Variants in WWC1 observed in about 807,000 individuals in gnomAD.
WWC1 encodes protein KIBRA.
In WWC1, 55 loss-of-function variants were observed where a neutral mutation model predicts 138.4. The observed-to-expected ratio is 0.40, with a 90% CI of 0.32 to 0.50. The LOEUF (loss-of-function observed/expected upper bound fraction) is 0.50, where lower values mean the gene tolerates loss of function less well. Among genes scored for constraint, WWC1 ranks in the 20% least tolerant of loss-of-function variants. The pLI is 0.72. For synonymous variants in WWC1, 524 were observed against 564.9 expected (o/e 0.93, Z 1.03); for missense variants, 1,226 against 1,420.4 (o/e 0.86, Z 2.20).
intron 1 of WWC1, among the ~76,000 whole-genome samples, chr5:168,349,664 G>A (rs926954888): frequency 2.0e-5 from 3 of 152,170 alleles, no homozygotes; most frequent in African/African-American, 4.8e-5. Flanking sequence ...GTCCTCAGGA[G>A]TGCTTCCTTC....
chr5:168,394,864 A>C (rs1778773747), intron 3 of WWC1, among the ~76,000 whole-genome samples: 1 of 152,252 alleles, frequency 6.6e-6, no homozygotes, highest in South Asian at 2.1e-4. Flanking sequence ...CAGGCTGTAC[A>C]TACATGATGT....
chr5:168,445,078 AG>A (rs1472551861), intron 17 of WWC1, among the ~76,000 whole-genome samples: 2 of 149,798 alleles, frequency 1.3e-5, no homozygotes, highest in Admixed American at 1.3e-4. Context: ...CACTTTGGGA[AG>A]CCGAGGTGGG....
At chr5:168,296,846 C>G (rs535722942) in intron 1 of WWC1, among the ~76,000 whole-genome samples, 1 of 152,320 alleles carries the variant, frequency 6.6e-6, no homozygotes, top group South Asian at 2.1e-4. Flanking sequence ...TTACTTCCTG[C>G]TGAGTTAGCT....
intron 15 of WWC1, among the ~76,000 whole-genome samples, chr5:168,436,987 G>A (rs772852305): frequency 1.3e-5 from 2 of 152,082 alleles, no homozygotes; most frequent in Non-Finnish European, 2.9e-5. Flanking sequence ...CCTTTGCCTG[G>A]CCTCCAAGGC....
At chr5:168,408,446 G>A (rs569529446) in intron 6 of WWC1, 61 bp from the exon 7 acceptor site, 2 of 1,582,644 alleles carry the variant, frequency 1.3e-6, no homozygotes, top group Admixed American at 1.7e-5. Context: ...CAGGGAGCGT[G>A]GCAGACCCAG....
intron 3 of WWC1, 58 bp from the exon 4 acceptor site, chr5:168,397,665 CA>C (rs1274842861): frequency 9.4e-6 from 15 of 1,593,342 alleles, no homozygotes; most frequent in Middle Eastern, 3.6e-4. Flanking sequence ...GCCAATAAGC[CA>C]ACTTTGCTGA....
intron 1 of WWC1, among the ~76,000 whole-genome samples, chr5:168,364,527 G>C (rs754487493): frequency 2.6e-5 from 4 of 152,204 alleles, no homozygotes; most frequent in African/African-American, 9.7e-5. Flanking sequence ...TGTGAGTCTT[G>C]TTCCCCGGCC....
intron 15 of WWC1, 50 bp from the exon 16 acceptor site, chr5:168,441,632 G>C: frequency 6.3e-7 from 1 of 1,589,750 alleles, no homozygotes; most frequent in Non-Finnish European, 8.6e-7. Context: ...CCTGACACCT[G>C]GTGTCCCCCC....
chr5:168,389,131 G>A (rs1778268241), intron 3 of WWC1, among the ~76,000 whole-genome samples: 1 of 152,094 alleles, frequency 6.6e-6, no homozygotes, highest in Admixed American at 6.5e-5. Flanking sequence ...GGCACTATGA[G>A]AATGAAACAT....
At position 168,414,380 on chromosome 5, in the gene WWC1, T is replaced by C; in HGVS notation, c.974T>C (p.Leu325Pro). Reference protein sequence around the residue: ...IANLKIQLAKLDSEAWPGVLD... With the variant: ...IANLKIQLAKPDSEAWPGVLD... ...AACCTGAAGATCCAGCTGGCCAAGC[T>C]TGACAGTGAGGCCTGGCCTGGGGTG... is the stretch of plus-strand genomic sequence containing the variant. The change falls in exon 9 of 23, where the codon CTT (leucine) becomes CCT (proline). Residue 325 changes from leucine to proline, a missense_variant. Leu to Pro is a moderately conservative substitution (Grantham distance 98, BLOSUM62 -3). Transcript: ENST00000265293. 1 of 1,610,550 alleles carries C rather than the reference T, an allele frequency of 6.2e-7. No individual in the cohort carries two copies. The highest frequency in any genetic ancestry group is 8.5e-7 in the Non-Finnish European group (1 of 1,178,558).
At chr5:168,468,178 G>A (rs868315861) in intron 22 of WWC1, among the ~76,000 whole-genome samples, 5 of 152,246 alleles carry the variant, frequency 3.3e-5, no homozygotes, top group Admixed American at 2.0e-4. Flanking sequence ...CACAACTCGA[G>A]CTAATTTGTT....
chr5:168,332,589 G>A (rs953311427), intron 1 of WWC1, among the ~76,000 whole-genome samples: 1 of 152,198 alleles, frequency 6.6e-6, no homozygotes, highest in African/African-American at 2.4e-5. Flanking sequence ...TTTCTGGAAG[G>A]GCACACTGGA....
intron 3 of WWC1, among the ~76,000 whole-genome samples, chr5:168,396,316 G>A (rs1301251783): frequency 6.6e-6 from 1 of 152,232 alleles, no homozygotes; most frequent in African/African-American, 2.4e-5. Flanking sequence ...CCAGGAGGCA[G>A]AGGTTGTAGT....
intron 3 of WWC1, among the ~76,000 whole-genome samples, chr5:168,387,750 C>T (rs1487218652): frequency 6.6e-6 from 1 of 152,136 alleles, no homozygotes; most frequent in Non-Finnish European, 1.5e-5. Context: ...TCCCCAAAGC[C>T]TCATCTTCAA....
At chr5:168,349,409 T>A (rs1484700973) in intron 1 of WWC1, among the ~76,000 whole-genome samples, 1 of 152,202 alleles carries the variant, frequency 6.6e-6, no homozygotes, top group Non-Finnish European at 1.5e-5. Context: ...CTTTCCAGCT[T>A]TGGGCTCAGG....
At chr5:168,364,539 G>C (rs556379563) in intron 1 of WWC1, among the ~76,000 whole-genome samples, 1 of 152,340 alleles carries the variant, frequency 6.6e-6, no homozygotes, top group African/African-American at 2.4e-5. Context: ...TCCCCGGCCA[G>C]ACCCTCTGCC....
chr5:168,385,623 T>A (rs1189345495), intron 3 of WWC1, among the ~76,000 whole-genome samples: 1 of 152,226 alleles, frequency 6.6e-6, no homozygotes, highest in African/African-American at 2.4e-5. Flanking sequence ...TCATTTGTAA[T>A]CATCTCAGAA....
At chr5:168,428,220 A>G in intron 12 of WWC1, 79 bp downstream of exon 12, 1 of 1,439,018 alleles carries the variant, frequency 6.9e-7, no homozygotes, top group Non-Finnish European at 9.5e-7. Context: ...GCCTGTGGAG[A>G]GGCTTAGGTT....
intron 7 of WWC1, among the ~76,000 whole-genome samples, chr5:168,409,487 T>C (rs537829036): frequency 6.6e-6 from 1 of 152,270 alleles, no homozygotes; most frequent in African/African-American, 2.4e-5. Context: ...GCAGGGGTCT[T>C]CTCCCCAACT....
Sources: allele counts gnomAD v4.1 joint callset (sites outside exome capture counted in the v4.1 genomes callset), GRCh38; gene constraint gnomAD v4.1.1; transcripts MANE v1.5; gene names NCBI Gene and HGNC (gene_info 2026-07-23, HGNC 2026-07-21).